SHISAL2A: variants seen among roughly 807,000 people sequenced by gnomAD.
SHISAL2A encodes protein shisa-like-2A.
A neutral mutation model predicts 11.5 loss-of-function variants in SHISAL2A; 18 were observed. The ratio of observed to expected loss-of-function variants is 1.57; its 90% CI spans 1.08 to 2.33. The LOEUF (loss-of-function observed/expected upper bound fraction) is 2.33, where lower values mean the gene tolerates loss of function less well. Ranked by LOEUF, SHISAL2A falls within the 30% of genes most tolerant of loss-of-function variation. The pLI is 0.00. For synonymous variants in SHISAL2A, 94 were observed against 99.6 expected, an observed-to-expected ratio of 0.94 and a Z score of 0.34; for missense variants, 261 against 250.9, an observed-to-expected ratio of 1.04 and a Z score of -0.27.
chr1:52,643,050 T>A lies in SHISAL2A; in HGVS notation c.322+48T>A, dbSNP rs750957119. 4 of 1,573,198 alleles carry A rather than the reference T, an allele frequency of 2.5e-6. No individual in the cohort carries two copies. In the African/African-American group the frequency reaches 5.4e-5, roughly 21 times the overall value. ...TCCTTGTATTCGGTAGACTAGCACC[T>A]TTTCAAGGGGGGAGAAATGTAGAAA... On this transcript the variant is annotated intron_variant, in intron 2 of 2. Coordinates refer to ENST00000517870, the MANE Select transcript of SHISAL2A (RefSeq NM_001042693.3).
chr1:52,663,009 A>T (rs1345204540), intron 4 of SHISAL2A, among the ~76,000 whole-genome samples: 1 of 152,178 alleles, frequency 6.6e-6, no homozygotes, highest in Non-Finnish European at 1.5e-5. Flanking sequence ...AGGGAGCTTC[A>T]TTGTGAAACC....
chr1:52,645,808 T>G (rs1301997203), intron 2 of SHISAL2A, among the ~76,000 whole-genome samples: 1 of 152,208 alleles, frequency 6.6e-6, no homozygotes, highest in African/African-American at 2.4e-5. Flanking sequence ...ATCATAGAAA[T>G]GCCAGTTCTT....
At chr1:52,643,236 A>C (rs776562059) in intron 2 of SHISAL2A, among the ~76,000 whole-genome samples, 1 of 152,224 alleles carries the variant, frequency 6.6e-6, no homozygotes, top group Non-Finnish European at 1.5e-5. Context: ...TTTGTCACAC[A>C]AAGATTAATC....
intron 2 of SHISAL2A, among the ~76,000 whole-genome samples, chr1:52,652,611 G>A (rs1691692351): frequency 6.6e-6 from 1 of 152,024 alleles, no homozygotes; most frequent in Non-Finnish European, 1.5e-5. Context: ...TAAAATGAAA[G>A]CTTAAATAAC....
At chr1:52,654,940 TG>T (rs1691757562) in intron 2 of SHISAL2A, among the ~76,000 whole-genome samples, 1 of 152,144 alleles carries the variant, frequency 6.6e-6, no homozygotes, top group Non-Finnish European at 1.5e-5. Context: ...CCCAGCACTT[TG>T]GGAGGCCCAG....
chr1:52,661,520 C>T (rs1206829633), downstream of SHISAL2A, among the ~76,000 whole-genome samples: 1 of 152,242 alleles, frequency 6.6e-6, no homozygotes, highest in Non-Finnish European at 1.5e-5. Context: ...CAAAGCCAGG[C>T]TGCAGGCCAC....
chr1:52,651,324 G>A lies in SHISAL2A; in HGVS notation c.323-5466G>A, dbSNP rs191103875. On this transcript the variant is annotated intron_variant, in intron 2 of 2. Transcript: ENST00000517870. ...GTGATCTCTGCTCACTGCAACCTGC[G>A]CCTCCCAGGTTCAAGCAATTCTCTG... is the stretch of plus-strand genomic sequence containing the variant. Among the ~76,000 whole-genome samples the A allele has an allele frequency of 3.5e-3, 540 of 152,124 alleles. 4 individuals carry two copies. Among genetic ancestry groups the A allele is most frequent in the African/African-American group, 0.012 (515 of 41,470 alleles).
In SHISAL2A at chr1:52,650,252, A is replaced by G. The variant is rs993009422; in HGVS notation, c.323-6538A>G. Among the ~76,000 whole-genome samples, 34 of 152,192 alleles carry G rather than the reference A, an allele frequency of 2.2e-4. 1 individual carries two copies. Among genetic ancestry groups the G allele is most frequent in the Non-Finnish European group, 3.7e-4 (25 of 68,032 alleles). On this transcript the variant is annotated intron_variant, in intron 2 of 2. Transcript: ENST00000517870. ...GGGGAAAACCTGAGAACTCCTTTCC[A>G]AGCTGGTCACCACAGGCTAGGCCCA...
intron 2 of SHISAL2A, among the ~76,000 whole-genome samples, chr1:52,650,643 C>CTT (rs35001247): frequency 0.016 from 1,744 of 108,082 alleles, 21 homozygotes; most frequent in South Asian, 0.028. Context: ...TTTTAAAACC[C>CTT]TTTTTTTTTT....
chr1:52,642,847 G>C lies in SHISAL2A; in HGVS notation c.183-16G>C, dbSNP rs1292777677. On this transcript the variant is annotated splice_polypyrimidine_tract_variant and intron_variant, in intron 1 of 2. Transcript: ENST00000517870. ...CCTTCCTGACTCTCAGCTCCCATGT[G>C]GTCTTCTCTTCCCAGCATTGGCGCT... 5.0e-6 allele frequency: 8 copies of C among 1,612,042 alleles called. No homozygotes were observed. Among genetic ancestry groups the C allele is most frequent in the Non-Finnish European group, 5.9e-6 (7 of 1,179,682 alleles).
At chr1:52,663,243 T>C (rs1691942813) in intron 4 of SHISAL2A, among the ~76,000 whole-genome samples, 1 of 151,940 alleles carries the variant, frequency 6.6e-6, no homozygotes, top group African/African-American at 2.4e-5. Flanking sequence ...CCATTTGAAA[T>C]AGGGAAAAAC....
intron 2 of SHISAL2A, among the ~76,000 whole-genome samples, chr1:52,655,969 C>T (rs544718860): frequency 6.6e-6 from 1 of 152,200 alleles, no homozygotes; most frequent in South Asian, 2.1e-4. Context: ...CCACAGATGA[C>T]TATTAGGTGG....
chr1:52,665,648 A>G (rs931302657), intron 4 of SHISAL2A, among the ~76,000 whole-genome samples: 1 of 152,150 alleles, frequency 6.6e-6, no homozygotes, highest in African/African-American at 2.4e-5. Flanking sequence ...CTCAATAAGT[A>G]TGGGCCCTAT....
rs145825874 is a variant in SHISAL2A, at chr1:52,642,873, C to G, written c.193C>G (p.Leu65Val). Residue 65 changes from leucine (L) to valine (V), a missense_variant, in exon 2 of 3, where the codon CTC (leucine) becomes GTC (valine). Physicochemically the swap from Leu to Val is conservative, Grantham distance 32 (BLOSUM62 1). Transcript: ENST00000517870. Reference protein sequence around the residue: ...SYMWWLSIGALIGLSVAAVVL... With the variant: ...SYMWWLSIGAVIGLSVAAVVL... Reference sequence around the variant, plus strand: ...GTCTTCTCTTCCCAGCATTGGCGCTCTCATAGGCCTGTCCGTAGCAGCAGT... The same window carrying G: ...GTCTTCTCTTCCCAGCATTGGCGCTGTCATAGGCCTGTCCGTAGCAGCAGT... 10 of 1,613,222 alleles carry G rather than the reference C, an allele frequency of 6.2e-6. No homozygotes were observed. The highest frequency in any genetic ancestry group is 4.0e-5 in the African/African-American group (3 of 74,902).
In SHISAL2A at chr1:52,642,917, T is replaced by C; in HGVS notation, c.237T>C (p.Ile79=). The C allele has an allele frequency of 6.2e-7, 1 of 1,614,106 alleles. No individual in the cohort carries two copies. The highest frequency in any genetic ancestry group is 8.5e-7 in the Non-Finnish European group (1 of 1,180,028). Residue 79 remains isoleucine, a synonymous_variant, in exon 2 of 3, where the codon ATT becomes ATC. Transcript: ENST00000517870. Reference sequence around the variant, plus strand: ...CAGCAGTGGTTCTTCTCGCCTTCATTGTTACCGCCTGTGTGCTCTGCTACC... The same window carrying C: ...CAGCAGTGGTTCTTCTCGCCTTCATCGTTACCGCCTGTGTGCTCTGCTACC... ...SVAAVVLLAF[I]VTACVLCYLF...
chr1:52,635,632 ACTC>A, intron 1 of SHISAL2A, among the ~76,000 whole-genome samples: 1 of 151,272 alleles, frequency 6.6e-6, no homozygotes, highest in South Asian at 2.1e-4. Flanking sequence ...AGGTTTTACA[ACTC>A]CTCCTATAGG....
chr1:52,640,813 A>G (rs189276299), intron 1 of SHISAL2A, among the ~76,000 whole-genome samples: 1 of 152,136 alleles, frequency 6.6e-6, no homozygotes, highest in Admixed American at 6.5e-5. Context: ...TTCTAATGAG[A>G]TGACTCATGG....
At chr1:52,650,339 G>T (rs1047161412) in intron 2 of SHISAL2A, among the ~76,000 whole-genome samples, 1 of 152,182 alleles carries the variant, frequency 6.6e-6, no homozygotes, top group African/African-American at 2.4e-5. Context: ...GGAGAAAGGA[G>T]GGAAGGCACA....
chr1:52,662,590 ATCT>A (rs1476763612), intron 4 of SHISAL2A, among the ~76,000 whole-genome samples: 2 of 150,086 alleles, frequency 1.3e-5, no homozygotes, highest in African/African-American at 4.9e-5. Context: ...ACCTCAAGTG[ATCT>A]GCCCACTTAG....
Sources: allele counts gnomAD v4.1 joint callset (sites outside exome capture counted in the v4.1 genomes callset), GRCh38; gene constraint gnomAD v4.1.1; transcripts MANE v1.5; gene names NCBI Gene and HGNC (gene_info 2026-07-23, HGNC 2026-07-21).